The following OPRM1 variants were observed in gnomAD, a reference collection of about 807,000 sequenced individuals.
OPRM1 encodes the protein opioid receptor mu 1, also known as mu-type opioid receptor.
A neutral mutation model predicts 31.8 loss-of-function variants in OPRM1; 27 were observed. That is an observed-to-expected ratio of 0.85 (90% CI 0.63 to 1.17). The LOEUF is 1.17. Ranked by LOEUF, OPRM1 falls within the 50% of genes most tolerant of loss-of-function variation. The pLI, the probability that OPRM1 is intolerant of heterozygous loss-of-function variation, is 0.00. For missense variants in OPRM1, 536 were observed against 511.1 expected, an observed-to-expected ratio of 1.05 and a Z score of -0.47; for synonymous variants, 196 against 189.9, an observed-to-expected ratio of 1.03 and a Z score of -0.26.
chr6:154,037,159 T>C (rs972910471), upstream of OPRM1, among the ~76,000 whole-genome samples: 1 of 151,962 alleles, frequency 6.6e-6, no homozygotes, highest in African/African-American at 2.4e-5. Flanking sequence ...ATGAAACATA[T>C]GATTCACCAG....
chr6:154,120,258 C>T lies in OPRM1; in HGVS notation c.*1537C>T, dbSNP rs1358278915. On this transcript the variant is annotated 3_prime_UTR_variant, in exon 4 of 4. Coordinates refer to ENST00000330432, the MANE Select transcript of OPRM1 (RefSeq NM_000914.5). ...AATCTGACAAGGCACAAATATGTGC[C>T]AGATATACAAAAGCAATGTTTCTAG... Among the ~76,000 whole-genome samples the T allele has an allele frequency of 6.6e-6, 1 of 151,972 alleles. No homozygotes were observed. Among genetic ancestry groups the T allele is most frequent in the African/African-American group, 2.4e-5 (1 of 41,372 alleles).
rs1583631875 is a variant in OPRM1 at position 154,126,935 on chromosome 6, C to T, written c.*8214C>T. On this transcript the variant is annotated 3_prime_UTR_variant, in exon 4 of 4. Coordinates refer to ENST00000330432, the MANE Select transcript of OPRM1 (RefSeq NM_000914.5). The stretch of plus-strand genomic sequence containing the variant: ...GACCATCCTGGCCAATATGGTAAAA[C>T]CCCATCTCTACTAAAAATACAAAAT... Among the ~76,000 whole-genome samples, 1 of 152,130 alleles carries T rather than the reference C, an allele frequency of 6.6e-6. No individual in the cohort carries two copies. Among genetic ancestry groups the T allele is most frequent in the Non-Finnish European group, 1.5e-5 (1 of 68,034 alleles).
chr6:154,039,329 A>G lies in OPRM1; in HGVS notation c.-216A>G. On this transcript the variant is annotated 5_prime_UTR_variant, in exon 1 of 4. Coordinates refer to ENST00000330432, the MANE Select transcript of OPRM1 (RefSeq NM_000914.5). ...AGGTGATGAGCCTCTGTGAACTACT[A>G]AGGTGGGAGGGGGCTATACGCAGAG... 1 of 1,549,792 alleles carries G rather than the reference A, an allele frequency of 6.5e-7. No individual in the cohort carries two copies. The highest frequency in any genetic ancestry group is 8.7e-7 in the Non-Finnish European group (1 of 1,145,990).
intron 3 of OPRM1, among the ~76,000 whole-genome samples, chr6:154,204,843 C>T (rs553393608): frequency 2.6e-5 from 4 of 152,270 alleles, no homozygotes; most frequent in African/African-American, 4.8e-5. Context: ...AGAAAAATAT[C>T]CATAGTATTC....
At chr6:154,223,114 T>C in intron 3 of OPRM1, 1 of 1,317,586 alleles carries the variant, frequency 7.6e-7, no homozygotes, top group Non-Finnish European at 1.1e-6. Context: ...TTGGTGAACA[T>C]TATGAAGAGA....
chr6:154,185,149 T>C (rs2128573303), intron 3 of OPRM1, among the ~76,000 whole-genome samples: 1 of 152,296 alleles, frequency 6.6e-6, no homozygotes, highest in South Asian at 2.1e-4. Context: ...CTGAGCCTCT[T>C]ACCATGATAT....
chr6:154,020,124 G>T (rs1356260148), intron 1 of OPRM1, among the ~76,000 whole-genome samples: 1 of 152,004 alleles, frequency 6.6e-6, no homozygotes, highest in African/African-American at 2.4e-5. Context: ...CAATTTAGTT[G>T]CTTCCAATTT....
chr6:154,022,984 T>C (rs1356480756), intron 1 of OPRM1, among the ~76,000 whole-genome samples: 1 of 151,718 alleles, frequency 6.6e-6, no homozygotes, highest in Non-Finnish European at 1.5e-5. Context: ...TCAGGTAATG[T>C]GATTCTTCCA....
At chr6:154,043,876 AGAG>A (rs1384761176) in intron 1 of OPRM1, among the ~76,000 whole-genome samples, 1 of 152,132 alleles carries the variant, frequency 6.6e-6, no homozygotes, top group East Asian at 1.9e-4. Flanking sequence ...AAACTAATTC[AGAG>A]GAGAACAACT....
At chr6:154,230,078 A>T (rs1779603770) in intron 3 of OPRM1, among the ~76,000 whole-genome samples, 1 of 152,140 alleles carries the variant, frequency 6.6e-6, no homozygotes, top group Admixed American at 6.5e-5. Flanking sequence ...ACTGACTGTA[A>T]ATGGGGATGG....
rs1177066464 is a variant in OPRM1 at position 154,062,985 on chromosome 6, A to G, written c.290+23151A>G. Among the ~76,000 whole-genome samples, 3 of 152,054 alleles carry G rather than the reference A, an allele frequency of 2.0e-5. No individual in the cohort carries two copies. In the East Asian group the frequency reaches 5.8e-4, roughly 29 times the overall value. On this transcript the variant is annotated intron_variant, in intron 1 of 3. Transcript: ENST00000330432. ...TCAGCTTCCTAAACAGTATCCTGACATATAATTCTTTCTAATCTGTTGTGC... is the reference window on the plus strand; with the variant it reads ...TCAGCTTCCTAAACAGTATCCTGACGTATAATTCTTTCTAATCTGTTGTGC...
chr6:154,018,942 C>T (rs1029153009), intron 1 of OPRM1, among the ~76,000 whole-genome samples: 2 of 151,652 alleles, frequency 1.3e-5, no homozygotes, highest in African/African-American at 2.4e-5. Flanking sequence ...AATTTCTTAA[C>T]AATATTACTT....
At chr6:154,038,609 C>T (rs1257512513), upstream of OPRM1, among the ~76,000 whole-genome samples, 1 of 152,118 alleles carries the variant, frequency 6.6e-6, no homozygotes, top group Non-Finnish European at 1.5e-5. Flanking sequence ...CAATTCCAAA[C>T]AGGTCTATGA....
At chr6:154,023,510 G>T (rs1032988083) in intron 1 of OPRM1, among the ~76,000 whole-genome samples, 1 of 152,024 alleles carries the variant, frequency 6.6e-6, no homozygotes, top group Non-Finnish European at 1.5e-5. Flanking sequence ...AGGATAATTT[G>T]ACTTCTTTTT....
chr6:154,061,816 A>C (rs1784483151), intron 1 of OPRM1, among the ~76,000 whole-genome samples: 1 of 150,020 alleles, frequency 6.7e-6, no homozygotes, highest in Non-Finnish European at 1.5e-5. Context: ...CCCTAAAAAA[A>C]AATAATAGTT....
rs1414721055 is a variant in OPRM1, at chr6:154,154,286, T to C, written c.1164+62814T>C. On this transcript the variant is annotated intron_variant, in intron 3 of 3. Coordinates refer to the OPRM1 transcript ENST00000337049. Reference sequence around the variant, plus strand: ...AATATCTCATATGTTTTAAGCAGCTTGTGTACCACATTTTGTAACTTTTAT... The same window carrying C: ...AATATCTCATATGTTTTAAGCAGCTCGTGTACCACATTTTGTAACTTTTAT... 2.0e-5 allele frequency among the ~76,000 whole-genome samples: 3 copies of C among 152,250 alleles called. No homozygotes were observed. The East Asian group carries it at 5.8e-4, about 29-fold the overall frequency.
At chr6:154,083,609 G>A (rs1770266280) in intron 1 of OPRM1, 1 of 152,378 alleles carries the variant, frequency 6.6e-6, no homozygotes, top group Non-Finnish European at 1.5e-5. Flanking sequence ...GGACAAAAGA[G>A]CGAGAGGATG....
chr6:154,130,485 C>A lies in OPRM1; in HGVS notation c.*11764C>A, dbSNP rs1000197095. Among the ~76,000 whole-genome samples the A allele has an allele frequency of 6.6e-6, 1 of 151,954 alleles. No homozygotes were observed. Among genetic ancestry groups the A allele is most frequent in the African/African-American group, 2.4e-5 (1 of 41,388 alleles). ...GCCTGGCCAGAAATGTTTAAAATTT[C>A]ATAAATCTTGAATCCATAAAATTCA... On this transcript the variant is annotated 3_prime_UTR_variant, in exon 4 of 4. Coordinates refer to ENST00000330432, the MANE Select transcript of OPRM1 (RefSeq NM_000914.5).
intron 1 of OPRM1, among the ~76,000 whole-genome samples, chr6:154,072,443 C>T (rs997273603): frequency 1.3e-5 from 2 of 152,150 alleles, no homozygotes; most frequent in African/African-American, 4.8e-5. Context: ...TTTTCAAATT[C>T]ATTGATAGCA....
Sources: allele counts gnomAD v4.1 joint callset (sites outside exome capture counted in the v4.1 genomes callset), GRCh38; gene constraint gnomAD v4.1.1; transcripts MANE v1.5; gene names NCBI Gene and HGNC (gene_info 2026-07-23, HGNC 2026-07-21).